The following PTPN1 variants were observed in gnomAD, a reference collection of about 807,000 sequenced individuals.
PTPN1 encodes the protein protein tyrosine phosphatase non-receptor type 1.
In PTPN1, 12 loss-of-function variants were observed where a neutral mutation model predicts 59.9. The ratio of observed to expected loss-of-function variants is 0.20; its 90% CI spans 0.13 to 0.32. The LOEUF is 0.32. Ranked by LOEUF, PTPN1 falls within the 10% of genes least tolerant of loss-of-function variation. The pLI, the probability that PTPN1 is intolerant of heterozygous loss-of-function variation, is 1.00. For missense variants in PTPN1, 356 were observed against 549.2 expected, an observed-to-expected ratio of 0.65 and a Z score of 3.52; for synonymous variants, 178 against 203.6, an observed-to-expected ratio of 0.87 and a Z score of 1.07.
In PTPN1 at chr20:50,568,735, G is replaced by A. The variant is rs2904270; in HGVS notation, c.354+257G>A. Among the ~76,000 whole-genome samples the A allele has an allele frequency of 0.47, 71,427 of 152,004 alleles. 17,401 individuals carry two copies. Among genetic ancestry groups the A allele is most frequent in the Middle Eastern group, 0.65 (188 of 288 alleles). ...CCTTCTCCTGTGTGGTGCGTGTGGC[G>A]CTCCGCCCACCTGTGCTGCCTGTGC... On this transcript the variant is annotated intron_variant, in intron 4 of 9. Transcript: ENST00000371621. The surrounding 1 kb of genome is among the most constrained non-coding windows in gnomAD (Gnocchi z 5.6).
chr20:50,578,654 T>C (rs779295330), intron 6 of PTPN1, 25 bp downstream of exon 6: 26 of 1,601,624 alleles, frequency 1.6e-5, no homozygotes, highest in Middle Eastern at 3.5e-4. Context: ...GCGGGTGCCC[T>C]GGGGAGCTCC....
At chr20:50,579,455 A>T (rs1254650779) in intron 7 of PTPN1, 126 bp downstream of exon 7, 3 of 1,195,210 alleles carry the variant, frequency 2.5e-6, no homozygotes, top group Non-Finnish European at 3.5e-6. Context: ...CTTCATGTTT[A>T]AAATAGCTAG....
chr20:50,552,490 C>G (rs1458509872), intron 1 of PTPN1, among the ~76,000 whole-genome samples: 1 of 152,162 alleles, frequency 6.6e-6, no homozygotes, highest in Non-Finnish European at 1.5e-5. Context: ...TCCCTGCAAT[C>G]CCATCTGCGC....
chr20:50,570,075 A>AG (rs1261812275), intron 4 of PTPN1, among the ~76,000 whole-genome samples: 1 of 152,226 alleles, frequency 6.6e-6, no homozygotes, highest in Non-Finnish European at 1.5e-5. Flanking sequence ...GAAGAAGGTG[A>AG]GGGCTCCAGA....
intron 8 of PTPN1, 45 bp from the exon 9 acceptor site, chr20:50,581,220 T>C: frequency 6.5e-7 from 1 of 1,541,166 alleles, no homozygotes; most frequent in South Asian, 1.2e-5. Context: ...TTGCCATTCA[T>C]TTTCTCCAAA....
intron 1 of PTPN1, among the ~76,000 whole-genome samples, chr20:50,556,057 A>G (rs1029428990): frequency 6.7e-6 from 1 of 150,354 alleles, no homozygotes; most frequent in Non-Finnish European, 1.5e-5. Flanking sequence ...TCTGTGCTGT[A>G]TAGCATTTCC....
chr20:50,541,584 C>T (rs1032557702), intron 1 of PTPN1, among the ~76,000 whole-genome samples: 4 of 152,158 alleles, frequency 2.6e-5, no homozygotes, highest in African/African-American at 7.2e-5. Context: ...AAACCAGACC[C>T]GGTCGCAGGT....
At chr20:50,544,270 C>T (rs938485230) in intron 1 of PTPN1, among the ~76,000 whole-genome samples, 5 of 152,144 alleles carry the variant, frequency 3.3e-5, no homozygotes, top group South Asian at 2.1e-4. Flanking sequence ...CCCACCTCAG[C>T]GTCCCGAGTA....
intron 1 of PTPN1, among the ~76,000 whole-genome samples, chr20:50,556,964 C>A (rs1236665705): frequency 6.6e-6 from 1 of 152,110 alleles, no homozygotes; most frequent in Admixed American, 6.6e-5. Flanking sequence ...ATAATACAAC[C>A]CACATACATG....
At chr20:50,533,968 T>C (rs1275809238) in intron 1 of PTPN1, among the ~76,000 whole-genome samples, 1 of 152,224 alleles carries the variant, frequency 6.6e-6, no homozygotes, top group East Asian at 1.9e-4. Context: ...TCTTTCTCTC[T>C]TGCCCAGGCT....
At chr20:50,516,143 GTGGT>G (rs1288192564) in intron 1 of PTPN1, among the ~76,000 whole-genome samples, 2 of 152,078 alleles carry the variant, frequency 1.3e-5, no homozygotes, top group South Asian at 4.1e-4. Flanking sequence ...GCCTTTGCAT[GTGGT>G]TGGTTCATAA....
rs533830023 is a variant in PTPN1 at position 50,564,128 on chromosome 20, C to G, written c.155-841C>G. ...AGGTATGACTTCATGCTGCTGTGTA[C>G]TTAGGTCATTTAATCTTCAAACCAC... On this transcript the variant is annotated intron_variant, in intron 2 of 9. Coordinates refer to ENST00000371621, the MANE Select transcript of PTPN1 (RefSeq NM_002827.4). Among the ~76,000 whole-genome samples, 18 of 151,852 alleles carry G rather than the reference C, an allele frequency of 1.2e-4. 1 individual carries two copies. Among genetic ancestry groups the G allele is most frequent in the Middle Eastern group, 3.4e-3 (1 of 292 alleles).
intron 1 of PTPN1, among the ~76,000 whole-genome samples, chr20:50,554,664 T>C (rs2122768562): frequency 6.6e-6 from 1 of 152,204 alleles, no homozygotes; most frequent in African/African-American, 2.4e-5. Flanking sequence ...ATAAAAAATG[T>C]ATGATAATAG....
chr20:50,551,166 T>C (rs546281541), intron 1 of PTPN1, among the ~76,000 whole-genome samples: 1 of 152,344 alleles, frequency 6.6e-6, no homozygotes, highest in African/African-American at 2.4e-5. Context: ...ACCAGAGTTT[T>C]GTAAGCATGT....
Position 50,568,583 on chromosome 20 carries a change from C to T in PTPN1, c.354+105C>T. The T allele has an allele frequency of 2.3e-6, 2 of 879,434 alleles. No individual in the cohort carries two copies. Among genetic ancestry groups the T allele is most frequent in the Non-Finnish European group, 3.6e-6 (2 of 554,024 alleles). The allele number at this position is 879,434 out of a possible 1,614,324, so 54.5% of individuals were successfully genotyped here. On this transcript the variant is annotated intron_variant, in intron 4 of 9. Coordinates refer to ENST00000371621, the MANE Select transcript of PTPN1 (RefSeq NM_002827.4). This position sits in a 1 kb window ranked among gnomAD's most constrained non-coding sequence, Gnocchi z 5.6. Reference sequence around the variant, plus strand: ...ATTATTTTTCTTGCCTTTGTATTTCCTTTACGTAGTATTTTTATTTAAAAA... The same window carrying T: ...ATTATTTTTCTTGCCTTTGTATTTCTTTTACGTAGTATTTTTATTTAAAAA...
intron 1 of PTPN1, among the ~76,000 whole-genome samples, chr20:50,549,649 C>CTAT (rs2082693609): frequency 6.6e-6 from 1 of 152,066 alleles, no homozygotes; most frequent in Non-Finnish European, 1.5e-5. Flanking sequence ...TTCTGGTTTG[C>CTAT]TTTTTAGTAT....
At chr20:50,521,744 T>C (rs754539474) in intron 1 of PTPN1, among the ~76,000 whole-genome samples, 1 of 152,264 alleles carries the variant, frequency 6.6e-6, no homozygotes, top group Non-Finnish European at 1.5e-5. Flanking sequence ...TGCCATTGTT[T>C]ATAAATGAAT....
intron 1 of PTPN1, among the ~76,000 whole-genome samples, chr20:50,551,976 A>C (rs1195940942): frequency 6.6e-6 from 1 of 152,180 alleles, no homozygotes; most frequent in Non-Finnish European, 1.5e-5. Context: ...GTAGTTATTT[A>C]ATCTTTGGTT....
chr20:50,539,644 CTTT>C (rs5841806), intron 1 of PTPN1, among the ~76,000 whole-genome samples: 17 of 90,530 alleles, frequency 1.9e-4, no homozygotes, highest in South Asian at 7.5e-4. Context: ...CTCTTTCTCT[CTTT>C]TTTTTTTTTT....
Sources: gnomAD v4.1 joint callset for allele counts (sites outside exome capture counted in the v4.1 genomes callset) on GRCh38, gnomAD v4.1.1 for gene constraint, Gnocchi (gnomAD v3.1) non-coding constraint, MANE v1.5 for transcripts, NCBI Gene and HGNC (gene_info 2026-07-23, HGNC 2026-07-21) for gene names.